PDZRN4: variants seen among roughly 807,000 people sequenced by gnomAD.
PDZRN4 encodes the protein PDZ domain containing ring finger 4.
A neutral mutation model predicts 99.0 loss-of-function variants in PDZRN4; 70 were observed. The observed-to-expected ratio is 0.71, with a 90% CI of 0.58 to 0.86. The LOEUF is 0.86. Ranked by LOEUF, PDZRN4 falls within the 40% of genes least tolerant of loss-of-function variation. The probability of loss-of-function intolerance (pLI) is 0.00; values close to 1 mark genes in which losing one functional copy is unlikely to be tolerated. For missense variants in PDZRN4, 1,474 were observed against 1,331.2 expected, an observed-to-expected ratio of 1.11 and a Z score of -1.67; for synonymous variants, 551 against 501.6, an observed-to-expected ratio of 1.10 and a Z score of -1.32.
chr12:41,359,439 A>C (rs914802961), intron 3 of PDZRN4, among the ~76,000 whole-genome samples: 1 of 151,956 alleles, frequency 6.6e-6, no homozygotes, highest in African/African-American at 2.4e-5. Flanking sequence ...TTTATTTGGC[A>C]AGCTAGGACT....
intron 5 of PDZRN4, among the ~76,000 whole-genome samples, chr12:41,521,620 A>G (rs1028361268): frequency 2.0e-5 from 3 of 152,150 alleles, no homozygotes; most frequent in African/African-American, 7.2e-5. Context: ...GATGTACTTG[A>G]CAGAGGAAAC....
At chr12:41,524,999 T>C (rs1938547270) in intron 5 of PDZRN4, among the ~76,000 whole-genome samples, 1 of 152,112 alleles carries the variant, frequency 6.6e-6, no homozygotes, top group African/African-American at 2.4e-5. Flanking sequence ...GCTTCTTCAT[T>C]TTTGAAGTTG....
intron 3 of PDZRN4, among the ~76,000 whole-genome samples, chr12:41,314,193 C>T (rs984235976): frequency 1.3e-5 from 2 of 152,110 alleles, no homozygotes; most frequent in African/African-American, 2.4e-5. Flanking sequence ...TCTCAATACC[C>T]TCCTCTTCTA....
chr12:41,278,056 C>T (rs1365668338), intron 3 of PDZRN4, among the ~76,000 whole-genome samples: 1 of 152,200 alleles, frequency 6.6e-6, no homozygotes, highest in Non-Finnish European at 1.5e-5. Flanking sequence ...TAAGTCAACA[C>T]AGACTTTTGG....
At chr12:41,343,567 C>T (rs1951831933) in intron 3 of PDZRN4, among the ~76,000 whole-genome samples, 2 of 151,094 alleles carry the variant, frequency 1.3e-5, no homozygotes. Flanking sequence ...GCAGTGTTTA[C>T]CAGAGACTGG....
chr12:41,301,070 TATC>T (rs1273867483), intron 3 of PDZRN4, among the ~76,000 whole-genome samples: 2 of 152,074 alleles, frequency 1.3e-5, no homozygotes, highest in African/African-American at 4.8e-5. Context: ...TTATTTTTGA[TATC>T]ATCTCTGTCC....
intron 3 of PDZRN4, among the ~76,000 whole-genome samples, chr12:41,429,910 A>G (rs991664231): frequency 2.6e-5 from 4 of 152,114 alleles, no homozygotes; most frequent in Non-Finnish European, 4.4e-5. Flanking sequence ...CAGAACTAAA[A>G]ATAGTGATAG....
At chr12:41,284,678 G>T (rs1951411186) in intron 3 of PDZRN4, among the ~76,000 whole-genome samples, 1 of 152,072 alleles carries the variant, frequency 6.6e-6, no homozygotes, top group Non-Finnish European at 1.5e-5. Context: ...CAATGACACA[G>T]AACAGAAGCC....
chr12:41,318,720 C>T (rs1951655049), intron 3 of PDZRN4, among the ~76,000 whole-genome samples: 1 of 152,154 alleles, frequency 6.6e-6, no homozygotes, highest in South Asian at 2.1e-4. Context: ...TCCATCACCT[C>T]CCTTCCCTTC....
At chr12:41,398,085 C>A (rs952814728) in intron 3 of PDZRN4, among the ~76,000 whole-genome samples, 1 of 152,058 alleles carries the variant, frequency 6.6e-6, no homozygotes. Context: ...AGTAAAGAAC[C>A]TGAGCCATAT....
At chr12:41,485,240 G>A (rs1166957204) in intron 3 of PDZRN4, among the ~76,000 whole-genome samples, 2 of 152,156 alleles carry the variant, frequency 1.3e-5, no homozygotes, top group Admixed American at 6.6e-5. Context: ...GGCAGAGGAG[G>A]TCATTGAGCG....
intron 3 of PDZRN4, among the ~76,000 whole-genome samples, chr12:41,260,450 A>C (rs1000290095): frequency 6.6e-6 from 1 of 152,166 alleles, no homozygotes; most frequent in African/African-American, 2.4e-5. Flanking sequence ...AAAATAAACT[A>C]AGGGCTTAAA....
chr12:41,305,144 T>G (rs1374834412), intron 3 of PDZRN4, among the ~76,000 whole-genome samples: 1 of 152,188 alleles, frequency 6.6e-6, no homozygotes, highest in Non-Finnish European at 1.5e-5. Context: ...AGTTTTGTGT[T>G]AGAAAAATCA....
intron 5 of PDZRN4, among the ~76,000 whole-genome samples, chr12:41,512,009 G>A (rs1234915787): frequency 2.0e-5 from 3 of 152,066 alleles, no homozygotes; most frequent in African/African-American, 4.8e-5. Context: ...GCACCTTAAG[G>A]AAGTACCAGT....
chr12:41,197,920 G>GTTTTTTTTTTTTTTTTT lies in PDZRN4; in HGVS notation c.843+3743_843+3744insTTTTTTTTTTTTTTTTT, dbSNP rs533696414. Among the ~76,000 whole-genome samples, 13 of 115,610 alleles carry GTTTTTTTTTTTTTTTTT rather than the reference G, an allele frequency of 1.1e-4. 1 individual carries two copies. The highest frequency in any genetic ancestry group is 1.6e-4 in the Non-Finnish European group (9 of 57,746). The allele number at this position is 115,610 out of a possible 152,430, so 75.8% of individuals were successfully genotyped here. ...TTCTTCTTTTCCTTGTTTTTTCTGG[G>GTTTTTTTTTTTTTTTTT]TTTTTTTTTTTGGAGACAGGATCTT... On this transcript the variant is annotated intron_variant, in intron 3 of 9. Transcript: ENST00000402685.
chr12:41,453,066 A>T (rs940281813), intron 3 of PDZRN4, among the ~76,000 whole-genome samples: 2 of 152,154 alleles, frequency 1.3e-5, no homozygotes, highest in Non-Finnish European at 2.9e-5. Context: ...ATGGCCTGTC[A>T]GAGTTGTCCG....
chr12:41,327,629 C>T (rs1038104747), intron 3 of PDZRN4, among the ~76,000 whole-genome samples: 3 of 152,158 alleles, frequency 2.0e-5, no homozygotes, highest in Non-Finnish European at 2.9e-5. Context: ...TGCAGAAGGC[C>T]AGGGGCTTAA....
At chr12:41,445,610 G>A (rs779386193) in intron 3 of PDZRN4, among the ~76,000 whole-genome samples, 2 of 151,974 alleles carry the variant, frequency 1.3e-5, no homozygotes, top group Non-Finnish European at 1.5e-5. Context: ...TCACTAGGTA[G>A]TCACTCAAAA....
At position 41,331,832 on chromosome 12, in the gene PDZRN4, A is replaced by G. The variant is rs188215029; in HGVS notation, c.843+137644A>G. 5.2e-4 allele frequency among the ~76,000 whole-genome samples: 79 copies of G among 152,254 alleles called. No individual in the cohort carries two copies. In the East Asian group the frequency reaches 0.014, roughly 27 times the overall value. ...AAGCCCCTTATAAAACCTATGATTC[A>G]GTTACCTCCCATCCAGTCCCTCCCA... is the stretch of plus-strand genomic sequence containing the variant. On this transcript the variant is annotated intron_variant, in intron 3 of 9. Coordinates refer to ENST00000402685, the MANE Select transcript of PDZRN4 (RefSeq NM_001164595.2).
Sources: gnomAD v4.1 joint callset for allele counts (sites outside exome capture counted in the v4.1 genomes callset) on GRCh38, gnomAD v4.1.1 for gene constraint, MANE v1.5 for transcripts, NCBI Gene and HGNC (gene_info 2026-07-23, HGNC 2026-07-21) for gene names.